The following SYNPR variants were observed in gnomAD, a reference collection of about 807,000 sequenced individuals.
The protein encoded by SYNPR is synaptoporin.
A neutral mutation model predicts 32.9 loss-of-function variants in SYNPR; 23 were observed. That is an observed-to-expected ratio of 0.70 (90% CI 0.50 to 0.99). The LOEUF (loss-of-function observed/expected upper bound fraction) is 0.99, where lower values mean the gene tolerates loss of function less well. SYNPR is among the 50% of genes least tolerant of loss of function. SYNPR has a pLI of 0.00. For missense variants in SYNPR, 318 were observed against 349.3 expected (o/e 0.91, Z 0.71); for synonymous variants, 146 against 135.9 (o/e 1.07, Z -0.52).
At chr3:63,473,188 T>G (rs1700836984) in intron 2 of SYNPR, among the ~76,000 whole-genome samples, 1 of 152,158 alleles carries the variant, frequency 6.6e-6, no homozygotes, top group South Asian at 2.1e-4. Flanking sequence ...CTCAGGCCCA[T>G]TTTCCTGGTT....
chr3:63,222,147 G>A, the SYNPR span, among the ~76,000 whole-genome samples: 15 of 149,986 alleles, frequency 1.0e-4, no homozygotes, highest in Non-Finnish European at 2.2e-4. Context: ...CATTCTTCCT[G>A]ATAGAATAGA....
At chr3:63,211,579 A>T in the SYNPR span, among the ~76,000 whole-genome samples, 1 of 152,156 alleles carries the variant, frequency 6.6e-6, no homozygotes, top group Non-Finnish European at 1.5e-5. Flanking sequence ...GATGACAAGG[A>T]CTTTAGAGAG....
intron 2 of SYNPR, among the ~76,000 whole-genome samples, chr3:63,360,447 A>T (rs1399572446): frequency 2.0e-5 from 3 of 152,204 alleles, no homozygotes; most frequent in African/African-American, 7.2e-5. Flanking sequence ...CAGCCAGAGG[A>T]ATTATTTCAA....
At chr3:63,435,323 C>G (rs777209158) in intron 2 of SYNPR, among the ~76,000 whole-genome samples, 2 of 152,158 alleles carry the variant, frequency 1.3e-5, no homozygotes, top group Non-Finnish European at 1.5e-5. Flanking sequence ...GAATGATAAT[C>G]AAATGACATA....
chr3:63,385,849 T>A lies in SYNPR; in HGVS notation c.85-94983T>A, dbSNP rs559270480. ...CAGCTCTTTATGTAACACATACCAA[T>A]GTGCTGTGGACTCTATTGAGACAAA... On this transcript the variant is annotated intron_variant, in intron 2 of 5. Transcript: ENST00000478300. Among the ~76,000 whole-genome samples the A allele has an allele frequency of 7.2e-5, 11 of 152,310 alleles. No homozygotes were observed. The South Asian group carries it at 2.3e-3, about 32-fold the overall frequency.
chr3:63,584,271 A>G (rs1487550499), intron 4 of SYNPR, among the ~76,000 whole-genome samples: 2 of 152,122 alleles, frequency 1.3e-5, no homozygotes, highest in Non-Finnish European at 2.9e-5. Context: ...AAATGGCAGC[A>G]TGGTTATGGT....
At chr3:63,410,628 G>A (rs1484474916) in intron 2 of SYNPR, among the ~76,000 whole-genome samples, 1 of 152,120 alleles carries the variant, frequency 6.6e-6, no homozygotes, top group Non-Finnish European at 1.5e-5. Context: ...TATGTTTGCA[G>A]AATTTTTCCA....
intron 2 of SYNPR, among the ~76,000 whole-genome samples, chr3:63,318,371 T>C (rs1015828559): frequency 6.6e-6 from 1 of 152,052 alleles, no homozygotes; most frequent in African/African-American, 2.4e-5. Context: ...AGAATTCTCT[T>C]CTTCCTCAGG....
rs144377932 is a variant in SYNPR, at chr3:63,606,103, A to T, written c.409-3022A>T. 2.3e-3 allele frequency among the ~76,000 whole-genome samples: 345 copies of T among 152,336 alleles called. 2 individuals carry two copies. Among genetic ancestry groups the T allele is most frequent in the African/African-American group, 7.9e-3 (329 of 41,584 alleles). ...TTACTGTTATTATTTCAACTTACAG[A>T]GAGGTAAACTGAGGCCTCAAGTAGT... On this transcript the variant is annotated intron_variant, in intron 4 of 5. Coordinates refer to ENST00000478300, the MANE Select transcript of SYNPR (RefSeq NM_001130003.2).
At chr3:63,280,011 G>T (rs1340651263) in intron 2 of SYNPR, among the ~76,000 whole-genome samples, 3 of 152,116 alleles carry the variant, frequency 2.0e-5, no homozygotes, top group African/African-American at 7.2e-5. Context: ...TCAGAATTCT[G>T]CCCGCATTCA....
At chr3:63,412,564 G>T (rs185946446) in intron 2 of SYNPR, among the ~76,000 whole-genome samples, 7 of 152,166 alleles carry the variant, frequency 4.6e-5, no homozygotes, top group East Asian at 1.9e-4. Context: ...TGTGTAGAAG[G>T]TTCTTTTAAA....
chr3:63,361,060 T>C (rs1243163648), intron 2 of SYNPR, among the ~76,000 whole-genome samples: 1 of 152,226 alleles, frequency 6.6e-6, no homozygotes, highest in Non-Finnish European at 1.5e-5. Flanking sequence ...ATGTCACTAC[T>C]GAGGTATACA....
At chr3:63,269,577 A>G (rs1312537694) in intron 3 of SYNPR, among the ~76,000 whole-genome samples, 3 of 152,214 alleles carry the variant, frequency 2.0e-5, no homozygotes, top group Non-Finnish European at 4.4e-5. Flanking sequence ...TATTGTTATT[A>G]GCACCAATTG....
intron 2 of SYNPR, among the ~76,000 whole-genome samples, chr3:63,291,844 C>CTG (rs1000657178): frequency 1.3e-5 from 2 of 152,046 alleles, no homozygotes; most frequent in Non-Finnish European, 2.9e-5. Flanking sequence ...CTCTCTCTCT[C>CTG]TCTCTCATGT....
intron 3 of SYNPR, among the ~76,000 whole-genome samples, chr3:63,512,735 C>A (rs969825324): frequency 2.6e-5 from 4 of 152,122 alleles, no homozygotes; most frequent in African/African-American, 9.7e-5. Flanking sequence ...GTCAGAGGCT[C>A]AAGAAGAAAA....
At chr3:63,418,820 A>C (rs1041431088) in intron 2 of SYNPR, among the ~76,000 whole-genome samples, 1 of 152,160 alleles carries the variant, frequency 6.6e-6, no homozygotes, top group African/African-American at 2.4e-5. Flanking sequence ...GGAATTCTAG[A>C]TAAGATTTGG....
At chr3:63,352,529 G>T (rs942168235) in intron 2 of SYNPR, among the ~76,000 whole-genome samples, 1 of 152,108 alleles carries the variant, frequency 6.6e-6, no homozygotes, top group African/African-American at 2.4e-5. Context: ...TGTAAACAGA[G>T]AATTTGTTAA....
intron 2 of SYNPR, among the ~76,000 whole-genome samples, chr3:63,316,186 T>C (rs1334919951): frequency 6.6e-6 from 1 of 151,996 alleles, no homozygotes; most frequent in African/African-American, 2.4e-5. Context: ...GGTATCAATC[T>C]GTAATTTTCT....
intron 2 of SYNPR, among the ~76,000 whole-genome samples, chr3:63,306,770 A>C (rs555472103): frequency 3.4e-4 from 52 of 152,168 alleles, no homozygotes; most frequent in African/African-American, 1.3e-3. Context: ...CTTGGGAGGC[A>C]GGTGAAGTTA....
Sources: gnomAD v4.1 joint callset for allele counts (sites outside exome capture counted in the v4.1 genomes callset) on GRCh38, gnomAD v4.1.1 for gene constraint, MANE v1.5 for transcripts, NCBI Gene and HGNC (gene_info 2026-07-23, HGNC 2026-07-21) for gene names.